PCDH9: variants seen among roughly 807,000 people sequenced by gnomAD.
PCDH9 encodes protocadherin 9, also known as protocadherin-9.
A neutral mutation model predicts 70.6 loss-of-function variants in PCDH9; 24 were observed. That is an observed-to-expected ratio of 0.34 (90% confidence interval 0.25 to 0.48). The LOEUF is 0.48. PCDH9 is among the 20% of genes least tolerant of loss of function. PCDH9 has a pLI of 0.99. For synonymous variants in PCDH9, 562 were observed against 558.5 expected, an observed-to-expected ratio of 1.01 and a Z score of -0.09; for missense variants, 1,281 against 1,503.6, an observed-to-expected ratio of 0.85 and a Z score of 2.45.
intron 3 of PCDH9, among the ~76,000 whole-genome samples, chr13:66,872,386 G>C (rs910553279): frequency 2.6e-5 from 4 of 152,046 alleles, no homozygotes; most frequent in African/African-American, 9.7e-5. Flanking sequence ...GATGGATAAA[G>C]TTGAAATAAT....
At chr13:67,003,880 A>G (rs993430212) in intron 2 of PCDH9, among the ~76,000 whole-genome samples, 6 of 152,220 alleles carry the variant, frequency 3.9e-5, no homozygotes, top group Non-Finnish European at 7.3e-5. Flanking sequence ...CTTAAAAGGT[A>G]TATCTGTCAC....
intron 4 of PCDH9, among the ~76,000 whole-genome samples, chr13:66,567,361 A>G (rs1381623183): frequency 6.6e-6 from 1 of 152,112 alleles, no homozygotes; most frequent in Non-Finnish European, 1.5e-5. Flanking sequence ...GTTATTGTCC[A>G]TTGTTTTTTA....
intron 4 of PCDH9, among the ~76,000 whole-genome samples, chr13:66,393,679 A>G (rs1415432987): frequency 2.0e-5 from 3 of 152,222 alleles, no homozygotes; most frequent in Admixed American, 6.6e-5. Context: ...AAATGAAATA[A>G]ATGTGCATAA....
intron 4 of PCDH9, among the ~76,000 whole-genome samples, chr13:66,411,446 C>T (rs1307227531): frequency 1.3e-5 from 2 of 152,126 alleles, no homozygotes; most frequent in African/African-American, 2.4e-5. Context: ...CCCACCACAT[C>T]CAGCTAATTA....
chr13:66,330,616 A>G (rs1473502737), intron 4 of PCDH9, among the ~76,000 whole-genome samples: 1 of 151,822 alleles, frequency 6.6e-6, no homozygotes, highest in Non-Finnish European at 1.5e-5. Context: ...GCCTTAAAAG[A>G]AAAGATCAAG....
At chr13:66,576,639 G>T (rs1239050532) in intron 4 of PCDH9, among the ~76,000 whole-genome samples, 1 of 152,016 alleles carries the variant, frequency 6.6e-6, no homozygotes, top group Non-Finnish European at 1.5e-5. Flanking sequence ...TAAACTGTGA[G>T]ACCTAAATAG....
At chr13:66,684,060 G>A (rs2078365507) in intron 3 of PCDH9, among the ~76,000 whole-genome samples, 1 of 152,090 alleles carries the variant, frequency 6.6e-6, no homozygotes, top group South Asian at 2.1e-4. Flanking sequence ...TTTTAATAAT[G>A]AACAGTACAA....
Position 66,737,480 on chromosome 13 carries a change from GA to G in PCDH9, c.3139-106070del, listed in dbSNP as rs1031886768. Among the ~76,000 whole-genome samples, 4 of 152,310 alleles carry G rather than the reference GA, an allele frequency of 2.6e-5. No homozygotes were observed. The South Asian group carries it at 6.2e-4, about 24-fold the overall frequency. ...AATTAATGTAAATTAAAATTTGGAA[GA>G]GGGGGGAGGAGCCAAGATGGCCGAA... On this transcript the variant is annotated intron_variant, in intron 3 of 4. Transcript: ENST00000377865.
In PCDH9 at chr13:66,888,543, C is replaced by CA. The variant is rs914315075; in HGVS notation, c.3138+14960dup. ...TAAAAAATAAATATCAGCCTGTCCC[C>CA]AAAAAAAATAAATAAAAAAAAGAAA... On this transcript the variant is annotated intron_variant, in intron 3 of 4. Transcript: ENST00000377865. Among the ~76,000 whole-genome samples the CA allele has an allele frequency of 4.8e-5, 7 of 145,016 alleles. No homozygotes were observed. The East Asian group carries it at 7.9e-4, about 16-fold the overall frequency.
intron 3 of PCDH9, among the ~76,000 whole-genome samples, chr13:66,746,362 AT>A (rs1307185708): frequency 6.6e-6 from 1 of 152,198 alleles, no homozygotes; most frequent in Non-Finnish European, 1.5e-5. Context: ...CAAATTAAAT[AT>A]TTTTAATGTA....
intron 3 of PCDH9, among the ~76,000 whole-genome samples, chr13:66,635,245 T>G (rs1187126436): frequency 1.3e-5 from 2 of 152,180 alleles, no homozygotes; most frequent in African/African-American, 4.8e-5. Context: ...GGAAATATTT[T>G]TATTATTATT....
At position 66,954,583 on chromosome 13, in the gene PCDH9, G is replaced by C. The variant is rs1323918; in HGVS notation, c.3037-50978C>G. Among the ~76,000 whole-genome samples, 1,142 of 152,220 alleles carry C rather than the reference G, an allele frequency of 7.5e-3. 12 individuals carry two copies. The highest frequency in any genetic ancestry group is 0.026 in the African/African-American group (1,088 of 41,526). On this transcript the variant is annotated intron_variant, in intron 2 of 4. Transcript: ENST00000377865. ...TGGGTCTATCAGCAAAGGATACTTG[G>C]GTTCCTTCCATAGCATCTTGGACAA...
In PCDH9 at chr13:66,305,014, G is replaced by A. The variant is rs779176155; in HGVS notation, c.3355C>T (p.Pro1119Ser). 2 of 1,610,532 alleles carry A rather than the reference G, an allele frequency of 1.2e-6. No individual in the cohort carries two copies. The highest frequency in any genetic ancestry group is 8.5e-7 in the Non-Finnish European group (1 of 1,177,842). ...SDPNSDGPLG[P>S]RGLAEATEMC... is the part of the protein sequence containing the mutation. ...TCTGTAGCTTCAGCTAATCCTCGGG[G>A]ACCCAAAGGCCCATCTGCAGAAGAC... The change falls in exon 5 of 5, where the codon CCC becomes TCC. Residue 1119 changes from proline to serine, a missense_variant. By Grantham distance (74) the Pro-to-Ser change is moderately conservative. Around this residue, in one of 4 missense-constraint regions of PCDH9, gnomAD observed 264 missense variants for 278.8 expected, o/e 0.95. Coordinates refer to ENST00000377865, the MANE Select transcript of PCDH9 (RefSeq NM_203487.3).
chr13:66,659,894 G>C (rs534622776), intron 3 of PCDH9, among the ~76,000 whole-genome samples: 2 of 152,148 alleles, frequency 1.3e-5, no homozygotes, highest in Non-Finnish European at 2.9e-5. Context: ...TAACAGCAGA[G>C]TCAAGGATGA....
intron 3 of PCDH9, among the ~76,000 whole-genome samples, chr13:66,728,767 A>T (rs945951884): frequency 6.6e-6 from 1 of 152,018 alleles, no homozygotes; most frequent in Non-Finnish European, 1.5e-5. Flanking sequence ...TGACTCCATC[A>T]TATCTTTCTT....
chr13:66,485,576 G>A (rs1958922320), intron 4 of PCDH9, among the ~76,000 whole-genome samples: 1 of 151,842 alleles, frequency 6.6e-6, no homozygotes, highest in Admixed American at 6.6e-5. Flanking sequence ...ATGCATACAG[G>A]TATGTGTACA....
At chr13:66,771,002 A>C (rs1048641214) in intron 3 of PCDH9, among the ~76,000 whole-genome samples, 5 of 152,192 alleles carry the variant, frequency 3.3e-5, no homozygotes, top group Admixed American at 2.6e-4. Context: ...ATTTTGGTAC[A>C]TCTACTGTGT....
chr13:66,686,345 G>T (rs1243400545), intron 3 of PCDH9, among the ~76,000 whole-genome samples: 11 of 152,068 alleles, frequency 7.2e-5, no homozygotes, highest in African/African-American at 2.7e-4. Flanking sequence ...AGATGTGTTT[G>T]CTTCCCCTTC....
chr13:66,980,726 C>CTTGTTT (rs2083728468), intron 2 of PCDH9, among the ~76,000 whole-genome samples: 1 of 33,408 alleles, frequency 3.0e-5, no homozygotes, highest in African/African-American at 1.0e-4. Context: ...CTGTTTTTTT[C>CTTGTTT]TTTGTTTTTT....
Sources: gnomAD v4.1 joint callset for allele counts (sites outside exome capture counted in the v4.1 genomes callset) on GRCh38, gnomAD v4.1.1 for gene constraint, gnomAD v4.1.1 regional missense constraint, MANE v1.5 for transcripts, NCBI Gene and HGNC (gene_info 2026-07-23, HGNC 2026-07-21) for gene names.